DDX11: variants seen among roughly 807,000 people sequenced by gnomAD.
DDX11 encodes DEAD/H-box helicase 11.
In DDX11, 72 loss-of-function variants were observed where a neutral mutation model predicts 125.2. That is an observed-to-expected ratio of 0.58 (90% CI 0.48 to 0.70). The LOEUF is 0.70. DDX11 is among the 30% of genes least tolerant of loss of function. The pLI is 0.00. For synonymous variants in DDX11, 347 were observed against 452.6 expected, an observed-to-expected ratio of 0.77 and a Z score of 2.96; for missense variants, 883 against 1,165.0, an observed-to-expected ratio of 0.76 and a Z score of 3.52.
chr12:31,081,695 TG>T (rs1324004024), intron 2 of DDX11, among the ~76,000 whole-genome samples: 2 of 148,626 alleles, frequency 1.3e-5, no homozygotes, highest in African/African-American at 5.1e-5. Flanking sequence ...TTGCTTATCT[TG>T]GCATAAATCA....
At position 31,102,902 on chromosome 12, in the gene DDX11, G is replaced by A. The variant is rs376433483; in HGVS notation, c.2373-34G>A. 2.7e-5 allele frequency: 43 copies of A among 1,609,036 alleles called. No individual in the cohort carries two copies. In the African/African-American group the frequency reaches 4.4e-4, roughly 16 times the overall value. On this transcript the variant is annotated intron_variant, in intron 23 of 26. Transcript: ENST00000542838. Reference sequence around the variant, plus strand: ...GGGTGATGACCCGGGAGGTCCTGACGTCCACCTGCTGGGCTCTTGTCTCCC... The same window carrying A: ...GGGTGATGACCCGGGAGGTCCTGACATCCACCTGCTGGGCTCTTGTCTCCC...
chr12:31,089,192 C>T (rs1943706263), intron 7 of DDX11, 41 bp downstream of exon 7: 1 of 1,558,256 alleles, frequency 6.4e-7, no homozygotes, highest in African/African-American at 1.4e-5. Flanking sequence ...CCATCCTGCT[C>T]CTTTCGCCAC....
Position 31,102,958 on chromosome 12 carries a change from C to T in DDX11, c.2395C>T (p.Pro799Ser), listed in dbSNP as rs762141291. ...LGRCVVMVGM[P>S]FPNIRSAELQ... Reference sequence around the variant, plus strand: ...CAGGTGTGTGGTGATGGTGGGCATGCCCTTCCCCAACATCAGGTCTGCAGA... The same window carrying T: ...CAGGTGTGTGGTGATGGTGGGCATGTCCTTCCCCAACATCAGGTCTGCAGA... The change falls in exon 24 of 27, where the codon CCC becomes TCC. Residue 799 changes from proline to serine, a missense_variant. Pro to Ser is a moderately conservative substitution (Grantham distance 74, BLOSUM62 -1). Around this residue, in one of 5 missense-constraint regions of DDX11, gnomAD observed 285 missense variants for 346.0 expected, o/e 0.82. Coordinates refer to ENST00000542838, the MANE Select transcript of DDX11 (RefSeq NM_030653.4). 2 of 1,613,960 alleles carry T rather than the reference C, an allele frequency of 1.2e-6. No individual in the cohort carries two copies. Among genetic ancestry groups the T allele is most frequent in the Non-Finnish European group, 1.7e-6 (2 of 1,179,852 alleles).
chr12:31,103,432 G>T, intron 25 of DDX11, 37 bp downstream of exon 25: 1 of 1,603,202 alleles, frequency 6.2e-7, no homozygotes, highest in East Asian at 2.3e-5. Flanking sequence ...GGACAGATGG[G>T]GGCTGGAGAA....
intron 7 of DDX11, 54 bp downstream of exon 7, chr12:31,089,205 C>T: frequency 6.6e-7 from 1 of 1,523,102 alleles, no homozygotes; most frequent in Non-Finnish European, 9.1e-7. Flanking sequence ...TTCGCCACAA[C>T]TTTGTCCTGC....
chr12:31,088,440 C>T (rs1469458406), intron 6 of DDX11, among the ~76,000 whole-genome samples: 1 of 152,150 alleles, frequency 6.6e-6, no homozygotes, highest in Non-Finnish European at 1.5e-5. Context: ...GTCCCCTGCC[C>T]TTTGGGTCTC....
At chr12:31,087,572 C>A in intron 5 of DDX11, 3 of 355,544 alleles carry the variant, frequency 8.4e-6, no homozygotes, top group Middle Eastern at 9.7e-4. Context: ...ACAGAACATC[C>A]GAAGGCCTGA....
chr12:31,094,834 C>A lies in DDX11; in HGVS notation c.1482+12C>A, dbSNP rs1429901138. Reference sequence around the variant, plus strand: ...TCAACCTGTTCAAGGTAGAGGTTTCCACCTTTCCACATTCCACATCCAATT... The same window carrying A: ...TCAACCTGTTCAAGGTAGAGGTTTCAACCTTTCCACATTCCACATCCAATT... On this transcript the variant is annotated intron_variant, in intron 14 of 26. Transcript: ENST00000542838. The A allele has an allele frequency of 6.2e-7, 1 of 1,611,246 alleles. No homozygotes were observed. The highest frequency in any genetic ancestry group is 2.2e-5 in the East Asian group (1 of 44,858).
intron 9 of DDX11, among the ~76,000 whole-genome samples, chr12:31,090,789 T>G (rs536687172): frequency 6.6e-6 from 1 of 152,220 alleles, no homozygotes; most frequent in African/African-American, 2.4e-5. Context: ...TTCAGGGAAC[T>G]AAGTAACCAT....
In DDX11 at chr12:31,093,414, CTG is replaced by C. The variant is rs750040441; in HGVS notation, c.1369+94_1369+95del. On this transcript the variant is annotated intron_variant, in intron 12 of 26. Coordinates refer to ENST00000542838, the MANE Select transcript of DDX11 (RefSeq NM_030653.4). ...ATGCCCATCAGGACACCTCAGTTCT[CTG>C]TGTTTTTAAGAAGGGTCGGCCGGGT... 5 of 1,565,312 alleles carry C rather than the reference CTG, an allele frequency of 3.2e-6. No homozygotes were observed. In the East Asian group the frequency reaches 6.8e-5, roughly 21 times the overall value.
In DDX11 at chr12:31,102,933, C is replaced by G; in HGVS notation, c.2373-3C>G. 1.2e-6 allele frequency: 2 copies of G among 1,613,938 alleles called. No homozygotes were observed. The highest frequency in any genetic ancestry group is 1.7e-6 in the Non-Finnish European group (2 of 1,179,830). ...CTGCTGGGCTCTTGTCTCCCCCGCC[C>G]AGGTGTGTGGTGATGGTGGGCATGC... On this transcript the variant is annotated splice_polypyrimidine_tract_variant and splice_region_variant and intron_variant, in intron 23 of 26. Coordinates refer to ENST00000542838, the MANE Select transcript of DDX11 (RefSeq NM_030653.4).
At chr12:31,102,908 C>T (rs1490231765) in intron 23 of DDX11, 28 bp from the exon 24 acceptor site, 7 of 1,612,376 alleles carry the variant, frequency 4.3e-6, no homozygotes, top group Non-Finnish European at 5.1e-6. Context: ...TGACGTCCAC[C>T]TGCTGGGCTC....
rs149773582 is a variant in DDX11 at position 31,091,780 on chromosome 12, G to A, written c.1151G>A (p.Arg384Gln). The A allele has an allele frequency of 1.5e-5, 24 of 1,613,690 alleles. No homozygotes were observed. Among genetic ancestry groups the A allele is most frequent in the African/African-American group, 8.0e-5 (6 of 74,938 alleles). Residue 384 changes from arginine (R) to glutamine (Q), a missense_variant, in exon 10 of 27, where the codon CGG becomes CAG. Coordinates refer to ENST00000542838, the MANE Select transcript of DDX11 (RefSeq NM_030653.4). ...HAATRQAAGIRLQDQVVIIDE... is the reference protein window; with the variant it reads ...HAATRQAAGIQLQDQVVIIDE... ...GCCACTCGGCAGGCCGCGGGCATCC[G>A]GCTGCAGGACCAGGTGGTGATCATC...
chr12:31,103,772 G>A (rs373881113), intron 26 of DDX11, 35 bp from the exon 27 acceptor site: 29 of 1,613,544 alleles, frequency 1.8e-5, no homozygotes, highest in Admixed American at 1.0e-4. Context: ...TCCCCACCCC[G>A]AGATCACATT....
In DDX11 at chr12:31,084,823, G is replaced by A. The variant is rs183045860; in HGVS notation, c.481-146G>A. ...AAGCTGGGCTGTGAGTGGTTGAGGC[G>A]TGGATCCTAGGAGTCGACCTCTCTC... On this transcript the variant is annotated intron_variant, in intron 4 of 26. Coordinates refer to ENST00000542838, the MANE Select transcript of DDX11 (RefSeq NM_030653.4). The A allele has an allele frequency of 1.0e-3, 1,048 of 1,045,806 alleles. 10 individuals carry two copies. The African/African-American group carries it at 0.015, about 15-fold the overall frequency. The allele number at this position is 1,045,806 out of a possible 1,614,324, so 64.8% of individuals were successfully genotyped here.
In DDX11 at chr12:31,093,309, G is replaced by A. The variant is rs750512735; in HGVS notation, c.1354G>A (p.Val452Met). The A allele has an allele frequency of 1.2e-4, 198 of 1,613,636 alleles. No homozygotes were observed. Among genetic ancestry groups the A allele is most frequent in the Non-Finnish European group, 1.6e-4 (190 of 1,179,818 alleles). The change falls in exon 12 of 27, where the codon GTG becomes ATG. Residue 452 changes from valine to methionine, a missense_variant. Val to Met is a conservative substitution (Grantham distance 21). Around this residue, in one of 5 missense-constraint regions of DDX11, gnomAD observed 241 missense variants for 279.7 expected, o/e 0.86. Transcript: ENST00000542838. ...GATCCTGTATTTGCTGGAGAAATTC[G>A]TGGCTGTGCTAGGGGGTGAGAGCCT... ...KQILYLLEKF[V>M]AVLGGNIKQN... is the part of the protein sequence containing the mutation.
At chr12:31,096,413 C>A (rs1945242739) in intron 15 of DDX11, 34 bp downstream of exon 15, 1 of 1,612,860 alleles carries the variant, frequency 6.2e-7, no homozygotes, top group South Asian at 1.1e-5. Flanking sequence ...CTGAACAAGA[C>A]CCAGCTGTGC....
chr12:31,102,340 G>T (rs763892636), intron 22 of DDX11, 29 bp downstream of exon 22: 2 of 1,612,490 alleles, frequency 1.2e-6, no homozygotes, highest in Non-Finnish European at 1.7e-6. Context: ...GCTTGGGTCT[G>T]AGATCGTGTG....
rs372377622 is a variant in DDX11 at position 31,087,976 on chromosome 12, T to C, written c.677T>C (p.Ile226Thr). 41 of 1,607,230 alleles carry C rather than the reference T, an allele frequency of 2.6e-5. No homozygotes were observed. The highest frequency in any genetic ancestry group is 4.0e-5 in the African/African-American group (3 of 74,742). Residue 226 changes from isoleucine (I) to threonine (T), a missense_variant, in exon 6 of 27, where the codon ATA (isoleucine) becomes ACA (threonine). This residue lies in a region of DDX11 where 283 missense variants were observed against 359.6 expected (regional missense o/e 0.79). Coordinates refer to ENST00000542838, the MANE Select transcript of DDX11 (RefSeq NM_030653.4). ...EDEDDLEEEHITKIYYCSRTH... is the reference protein window; with the variant it reads ...EDEDDLEEEHTTKIYYCSRTH... ...GAGGATGACCTGGAGGAAGAACACA[T>C]AACTAAGGTAACACAAGTGTCCTCA...
Sources: allele counts gnomAD v4.1 joint callset (sites outside exome capture counted in the v4.1 genomes callset), GRCh38; gene constraint gnomAD v4.1.1; regional missense constraint gnomAD v4.1.1; transcripts MANE v1.5; gene names NCBI Gene and HGNC (gene_info 2026-07-23, HGNC 2026-07-21).